Variants in MAML2 observed in about 807,000 individuals in gnomAD.
The protein encoded by MAML2 is mastermind-like protein 2.
MAML2 carries 22 observed loss-of-function variants against 96.1 expected under a neutral mutation model. That is an observed-to-expected ratio of 0.23 (90% CI 0.16 to 0.33). The LOEUF is 0.33. MAML2 is among the 10% of genes least tolerant of loss of function. The pLI, the probability that MAML2 is intolerant of heterozygous loss-of-function variation, is 1.00. For missense variants in MAML2, 1,367 were observed against 1,392.4 expected (o/e 0.98, Z 0.29); for synonymous variants, 561 against 521.3 (o/e 1.08, Z -1.04).
At chr11:96,307,339 T>C (rs372378038) in intron 1 of MAML2, among the ~76,000 whole-genome samples, 350 of 152,288 alleles carry the variant, frequency 2.3e-3, no homozygotes, top group African/African-American at 8.1e-3. Flanking sequence ...TACAGGAGCA[T>C]AGGGAAGTTT....
chr11:96,134,514 T>A (rs1381448570), intron 1 of MAML2, among the ~76,000 whole-genome samples: 3 of 152,240 alleles, frequency 2.0e-5, no homozygotes, highest in Non-Finnish European at 4.4e-5. Context: ...ATGCTTCCCA[T>A]ATATTTGAAG....
intron 1 of MAML2, among the ~76,000 whole-genome samples, chr11:96,230,689 G>C (rs1862280960): frequency 6.6e-6 from 1 of 152,200 alleles, no homozygotes; most frequent in Non-Finnish European, 1.5e-5. Flanking sequence ...TGGCCAGTCT[G>C]AGACCTATAG....
chr11:96,165,642 G>C (rs1448150207), intron 1 of MAML2, among the ~76,000 whole-genome samples: 2 of 152,098 alleles, frequency 1.3e-5, no homozygotes, highest in Non-Finnish European at 2.9e-5. Context: ...GAATTGCTGG[G>C]TGGGTCAAAG....
chr11:96,252,067 A>T (rs117960544), intron 1 of MAML2, among the ~76,000 whole-genome samples: 4,896 of 152,176 alleles, frequency 0.032, 103 homozygotes, highest in South Asian at 0.057. Context: ...GGAGTAGCAA[A>T]GACACTCCTG....
chr11:95,995,372 G>A (rs1317517339), intron 2 of MAML2, among the ~76,000 whole-genome samples: 1 of 152,136 alleles, frequency 6.6e-6, no homozygotes, highest in African/African-American at 2.4e-5. Context: ...CTTAGCTCAG[G>A]TCTCTGTTAG....
At chr11:96,172,939 G>A (rs1283423769) in intron 1 of MAML2, among the ~76,000 whole-genome samples, 1 of 152,180 alleles carries the variant, frequency 6.6e-6, no homozygotes, top group Non-Finnish European at 1.5e-5. Flanking sequence ...CTGAATCAGA[G>A]CCAAAGTGCC....
chr11:96,262,135 C>G (rs958423214), intron 1 of MAML2, among the ~76,000 whole-genome samples: 1 of 152,162 alleles, frequency 6.6e-6, no homozygotes, highest in Non-Finnish European at 1.5e-5. Context: ...CTGGGACATT[C>G]TGACATGTAC....
At chr11:96,221,016 A>G (rs1344950961) in intron 1 of MAML2, among the ~76,000 whole-genome samples, 1 of 152,228 alleles carries the variant, frequency 6.6e-6, no homozygotes, top group African/African-American at 2.4e-5. Flanking sequence ...GAACCAACTA[A>G]TGAGAAAGTA....
chr11:96,237,641 G>A (rs560283220), intron 1 of MAML2, among the ~76,000 whole-genome samples: 3 of 152,298 alleles, frequency 2.0e-5, no homozygotes, highest in South Asian at 4.1e-4. Context: ...AGATTTGATA[G>A]TTGTGTCACA....
chr11:96,074,110 T>C (rs1859393783), intron 2 of MAML2, among the ~76,000 whole-genome samples: 1 of 152,052 alleles, frequency 6.6e-6, no homozygotes, highest in South Asian at 2.1e-4. Context: ...CACAGAAAAA[T>C]GAAATATAGC....
Position 96,166,327 on chromosome 11 carries a change from A to G in MAML2, c.514-72810T>C, listed in dbSNP as rs140562919. ...TGAGTCAGTTTTCTGCAAATAGCCAACTGAATTTAAAGGATAAGTGTGATC... is the reference window on the plus strand; with the variant it reads ...TGAGTCAGTTTTCTGCAAATAGCCAGCTGAATTTAAAGGATAAGTGTGATC... On this transcript the variant is annotated intron_variant, in intron 1 of 4. Coordinates refer to ENST00000524717, the MANE Select transcript of MAML2 (RefSeq NM_032427.4). Among the ~76,000 whole-genome samples, 720 of 152,326 alleles carry G rather than the reference A, an allele frequency of 4.7e-3. 1 individual carries two copies. Among genetic ancestry groups the G allele is most frequent in the Non-Finnish European group, 5.6e-3 (379 of 68,026 alleles).
chr11:96,039,105 A>G (rs1037532762), intron 2 of MAML2, among the ~76,000 whole-genome samples: 1 of 152,084 alleles, frequency 6.6e-6, no homozygotes, highest in African/African-American at 2.4e-5. Context: ...TTTTTAAAGA[A>G]TTAGTCAGGC....
chr11:96,002,811 ATG>A, intron 2 of MAML2, among the ~76,000 whole-genome samples: 1 of 144,470 alleles, frequency 6.9e-6, no homozygotes, highest in Admixed American at 7.0e-5. Context: ...GAAGATGATG[ATG>A]GGGATGATGA....
At chr11:96,243,830 T>A (rs1307716117) in intron 1 of MAML2, among the ~76,000 whole-genome samples, 1 of 152,084 alleles carries the variant, frequency 6.6e-6, no homozygotes, top group Non-Finnish European at 1.5e-5. Flanking sequence ...ATTTTTTGTA[T>A]TTTTAGTAGA....
intron 1 of MAML2, among the ~76,000 whole-genome samples, chr11:96,276,323 T>C (rs1565270228): frequency 6.6e-6 from 1 of 152,194 alleles, no homozygotes. Context: ...ACTGTGCTGT[T>C]ACACCCTTGC....
chr11:96,342,639 T>G lies in MAML2; in HGVS notation c.-744A>C, dbSNP rs1864014975. The G allele has an allele frequency of 5.2e-6, 2 of 386,306 alleles. No homozygotes were observed. The highest frequency in any genetic ancestry group is 1.4e-4 in the South Asian group (1 of 6,924). The allele number at this position is 386,306 out of a possible 1,614,324, so 23.9% of individuals were successfully genotyped here. A position where few individuals can be genotyped will look rare whatever the true frequency, so the allele number is the denominator to read the frequency against. ...TCTCCCAAAAGAGGGAGACAGCTTT[T>G]CAACTGTTAACAATGTCAGTAATTG... is the stretch of plus-strand genomic sequence containing the variant. On this transcript the variant is annotated 5_prime_UTR_variant, in exon 1 of 5. Transcript: ENST00000524717.
chr11:96,047,170 C>G (rs1858915230), intron 2 of MAML2, among the ~76,000 whole-genome samples: 1 of 152,166 alleles, frequency 6.6e-6, no homozygotes. Flanking sequence ...ATGTTGTTTA[C>G]TCCTGCTTCC....
intron 4 of MAML2, among the ~76,000 whole-genome samples, chr11:95,981,100 T>C (rs1857729562): frequency 6.6e-6 from 1 of 152,248 alleles, no homozygotes; most frequent in South Asian, 2.1e-4. Context: ...GGAAACCTGC[T>C]AGCAGGACTC....
chr11:96,264,788 G>A (rs1308644611), intron 1 of MAML2, among the ~76,000 whole-genome samples: 4 of 152,176 alleles, frequency 2.6e-5, no homozygotes, highest in Admixed American at 2.6e-4. Context: ...GTTGAAAGGA[G>A]TACAAATCAT....
Sources: allele counts gnomAD v4.1 joint callset (sites outside exome capture counted in the v4.1 genomes callset), GRCh38; gene constraint gnomAD v4.1.1; transcripts MANE v1.5; gene names NCBI Gene and HGNC (gene_info 2026-07-23, HGNC 2026-07-21).